DSCAM: variants seen among roughly 807,000 people sequenced by gnomAD.
The protein encoded by DSCAM is DS cell adhesion molecule.
DSCAM carries 47 observed loss-of-function variants against 217.7 expected under a neutral mutation model. The observed-to-expected ratio is 0.22, with a 90% CI of 0.17 to 0.28. The LOEUF (loss-of-function observed/expected upper bound fraction) is 0.28. Among genes scored for constraint, DSCAM ranks in the 10% least tolerant of loss-of-function variants. The pLI, the probability that DSCAM is intolerant of heterozygous loss-of-function variation, is 1.00. For synonymous variants in DSCAM, 1,056 were observed against 1,015.3 expected (o/e 1.04, Z -0.76); for missense variants, 2,080 against 2,618.3 (o/e 0.79, Z 4.49).
At position 40,719,597 on chromosome 21, in the gene DSCAM, C is replaced by T. The variant is rs893689649; in HGVS notation, c.44-10826G>A. ...ATTGATACATCGTGATATATTGGCA[C>T]CTTGAATCACTACATACTGATAACA... On this transcript the variant is annotated intron_variant, in intron 1 of 32. Coordinates refer to ENST00000400454, the MANE Select transcript of DSCAM (RefSeq NM_001389.5). Among the ~76,000 whole-genome samples, 17 of 152,294 alleles carry T rather than the reference C, an allele frequency of 1.1e-4. No individual in the cohort carries two copies. In the South Asian group the frequency reaches 1.9e-3, roughly 17 times the overall value.
At chr21:40,468,331 C>G (rs552519196) in intron 3 of DSCAM, among the ~76,000 whole-genome samples, 1 of 152,188 alleles carries the variant, frequency 6.6e-6, no homozygotes, top group East Asian at 1.9e-4. Flanking sequence ...GTCTGAGATA[C>G]TTTTTGGTTT....
chr21:40,636,886 T>C (rs1162220775), intron 3 of DSCAM, among the ~76,000 whole-genome samples: 1 of 149,428 alleles, frequency 6.7e-6, no homozygotes, highest in Non-Finnish European at 1.5e-5. Context: ...TAATAAAAGG[T>C]TCATCAGGAA....
chr21:40,412,440 G>A (rs895482824), intron 3 of DSCAM, among the ~76,000 whole-genome samples: 1 of 152,224 alleles, frequency 6.6e-6, no homozygotes, highest in Non-Finnish European at 1.5e-5. Context: ...TGAAACCCAG[G>A]CTGAGGTGGT....
At chr21:40,756,657 G>T (rs1324023658) in intron 1 of DSCAM, among the ~76,000 whole-genome samples, 1 of 152,114 alleles carries the variant, frequency 6.6e-6, no homozygotes, top group African/African-American at 2.4e-5. Flanking sequence ...CTCCCAAAGT[G>T]CTGGGATTAC....
At chr21:40,607,959 C>T (rs2089263821) in intron 3 of DSCAM, among the ~76,000 whole-genome samples, 1 of 152,132 alleles carries the variant, frequency 6.6e-6, no homozygotes, top group Admixed American at 6.6e-5. Context: ...GGGCCAAGGT[C>T]CCTTCTCAGA....
At position 40,836,506 on chromosome 21, in the gene DSCAM, C is replaced by A. The variant is rs116748704; in HGVS notation, c.43+10113G>T. Among the ~76,000 whole-genome samples the A allele has an allele frequency of 2.8e-3, 419 of 152,280 alleles. 1 individual carries two copies. Among genetic ancestry groups the A allele is most frequent in the African/African-American group, 9.9e-3 (413 of 41,556 alleles). On this transcript the variant is annotated intron_variant, in intron 1 of 32. Coordinates refer to ENST00000400454, the MANE Select transcript of DSCAM (RefSeq NM_001389.5). ...CCAGCACCAATTATCCCGAAAGATG[C>A]CCAAATTCTTATGGTGGTCAGTGAA...
intron 4 of DSCAM, among the ~76,000 whole-genome samples, chr21:40,360,582 A>G (rs1395230069): frequency 2.0e-5 from 3 of 152,064 alleles, no homozygotes; most frequent in Non-Finnish European, 2.9e-5. Context: ...TTCTGTTCCT[A>G]TGTTAATTTA....
At chr21:40,440,186 T>C (rs2075618563) in intron 3 of DSCAM, among the ~76,000 whole-genome samples, 1 of 152,260 alleles carries the variant, frequency 6.6e-6, no homozygotes, top group African/African-American at 2.4e-5. Context: ...AACATCTGAC[T>C]CATTGTTCAA....
chr21:40,256,148 C>A (rs2073367173), intron 11 of DSCAM, among the ~76,000 whole-genome samples: 1 of 152,164 alleles, frequency 6.6e-6, no homozygotes, highest in Non-Finnish European at 1.5e-5. Flanking sequence ...ATGCAGCATA[C>A]CCTGAAGCAT....
At chr21:40,204,720 C>T (rs146064405) in intron 11 of DSCAM, among the ~76,000 whole-genome samples, 3 of 152,228 alleles carry the variant, frequency 2.0e-5, no homozygotes, top group African/African-American at 7.2e-5. Context: ...AAAGTGGGGG[C>T]GAGATTCTTC....
intron 3 of DSCAM, among the ~76,000 whole-genome samples, chr21:40,378,132 G>A (rs1033121280): frequency 4.6e-5 from 7 of 152,180 alleles, no homozygotes. Flanking sequence ...GATAAATGAA[G>A]AGGCATATCC....
chr21:40,522,518 T>C (rs2076367022), intron 3 of DSCAM, among the ~76,000 whole-genome samples: 1 of 152,224 alleles, frequency 6.6e-6, no homozygotes, highest in African/African-American at 2.4e-5. Flanking sequence ...TGACTAAATC[T>C]AGGTCACGTT....
At chr21:40,264,529 A>C (rs542076944) in intron 11 of DSCAM, among the ~76,000 whole-genome samples, 2 of 152,186 alleles carry the variant, frequency 1.3e-5, no homozygotes, top group African/African-American at 4.8e-5. Flanking sequence ...AAAACTCTCA[A>C]CACACTAGGC....
chr21:40,472,252 A>G (rs569484102), intron 3 of DSCAM, among the ~76,000 whole-genome samples: 1 of 152,236 alleles, frequency 6.6e-6, no homozygotes, highest in Non-Finnish European at 1.5e-5. Flanking sequence ...GAATGTGGAC[A>G]CTTCATTCTT....
At chr21:40,516,768 G>T (rs937403504) in intron 3 of DSCAM, among the ~76,000 whole-genome samples, 2 of 151,960 alleles carry the variant, frequency 1.3e-5, no homozygotes, top group Non-Finnish European at 2.9e-5. Context: ...CCCAGTGTGG[G>T]AGAAATTTGA....
At chr21:40,380,559 G>A (rs2075009636) in intron 3 of DSCAM, among the ~76,000 whole-genome samples, 1 of 152,196 alleles carries the variant, frequency 6.6e-6, no homozygotes, top group South Asian at 2.1e-4. Flanking sequence ...CTCTAGTAAA[G>A]AGAAGAGCTG....
intron 27 of DSCAM, among the ~76,000 whole-genome samples, chr21:40,072,902 T>C (rs535480010): frequency 7.9e-4 from 121 of 152,332 alleles, no homozygotes; most frequent in East Asian, 2.7e-3. Flanking sequence ...TCTGAGGTGA[T>C]AGACTGCTGT....
In DSCAM at chr21:40,077,500, G is replaced by C. The variant is rs867004194; in HGVS notation, c.4711+1187C>G. Among the ~76,000 whole-genome samples the C allele has an allele frequency of 6.6e-5, 10 of 152,192 alleles. 1 individual carries two copies. The highest frequency in any genetic ancestry group is 2.2e-4 in the African/African-American group (9 of 41,450). On this transcript the variant is annotated intron_variant, in intron 26 of 32. Transcript: ENST00000400454. ...CTTAGGTTCACAGCCACTCTTCTTAGGATGGCATAAACTGTGCTCCAAGGA... is the reference window on the plus strand; with the variant it reads ...CTTAGGTTCACAGCCACTCTTCTTACGATGGCATAAACTGTGCTCCAAGGA...
At chr21:40,613,922 T>C (rs750268628) in intron 3 of DSCAM, among the ~76,000 whole-genome samples, 2 of 152,186 alleles carry the variant, frequency 1.3e-5, no homozygotes, top group Admixed American at 6.5e-5. Flanking sequence ...AGAAAAGGAA[T>C]GAGTATGAGA....
Sources: gnomAD v4.1 joint callset for allele counts (sites outside exome capture counted in the v4.1 genomes callset) on GRCh38, gnomAD v4.1.1 for gene constraint, MANE v1.5 for transcripts, NCBI Gene and HGNC (gene_info 2026-07-23, HGNC 2026-07-21) for gene names.